Variants in EYS observed in about 807,000 individuals in gnomAD.
The protein encoded by EYS is protein eyes shut homolog.
In EYS, 250 loss-of-function variants were observed where a neutral mutation model predicts 282.1. That is an observed-to-expected ratio of 0.89 (90% CI 0.80 to 0.98). EYS has a LOEUF of 0.98. EYS is among the 50% of genes least tolerant of loss of function. The pLI, the probability that EYS is intolerant of heterozygous loss-of-function variation, is 0.00. For missense variants in EYS, 4,016 were observed against 3,709.0 expected (o/e 1.08, Z -2.15); for synonymous variants, 1,355 against 1,282.9 (o/e 1.06, Z -1.20).
chr6:64,309,528 G>A (rs916822808), intron 29 of EYS, among the ~76,000 whole-genome samples: 2 of 151,764 alleles, frequency 1.3e-5, no homozygotes, highest in African/African-American at 2.4e-5. Context: ...AGTACTGTTC[G>A]GAATAGTTAT....
intron 19 of EYS, among the ~76,000 whole-genome samples, chr6:64,828,353 C>G (rs1583200189): frequency 6.6e-6 from 1 of 151,802 alleles, no homozygotes; most frequent in African/African-American, 2.4e-5. Context: ...AAAGAGATAA[C>G]GGACATGGAT....
intron 12 of EYS, 111 bp downstream of exon 12, chr6:65,295,749 GACA>G (rs1768643292): frequency 1.4e-5 from 13 of 945,288 alleles, no homozygotes; most frequent in South Asian, 5.1e-5. Flanking sequence ...TAAGAAATGA[GACA>G]ACAATACCAA....
At chr6:65,382,357 T>C (rs1175216742) in intron 8 of EYS, among the ~76,000 whole-genome samples, 1 of 151,702 alleles carries the variant, frequency 6.6e-6, no homozygotes, top group African/African-American at 2.4e-5. Flanking sequence ...TCCATGTGTG[T>C]TGTGATAAGA....
chr6:64,607,971 C>T (rs943212847), intron 24 of EYS, among the ~76,000 whole-genome samples: 2 of 152,138 alleles, frequency 1.3e-5, no homozygotes, highest in African/African-American at 4.8e-5. Context: ...GTATCCAAGA[C>T]ATTTAGCCTG....
intron 36 of EYS, among the ~76,000 whole-genome samples, chr6:63,833,016 G>A (rs1250655765): frequency 6.6e-6 from 1 of 152,052 alleles, no homozygotes; most frequent in African/African-American, 2.4e-5. Context: ...AAATTCAGCA[G>A]GCCTTCATGC....
chr6:64,586,451 G>A (rs1170827058), intron 26 of EYS, among the ~76,000 whole-genome samples: 3 of 152,028 alleles, frequency 2.0e-5, no homozygotes, highest in Non-Finnish European at 2.9e-5. Flanking sequence ...AACTGTTAAT[G>A]AGTTTAATGA....
intron 22 of EYS, among the ~76,000 whole-genome samples, chr6:64,661,389 T>A (rs549140070): frequency 6.6e-6 from 1 of 151,968 alleles, no homozygotes; most frequent in Non-Finnish European, 1.5e-5. Flanking sequence ...TGACAAATGG[T>A]ATCTAATTAA....
intron 19 of EYS, among the ~76,000 whole-genome samples, chr6:64,841,212 G>C (rs530319813): frequency 6.6e-6 from 1 of 152,190 alleles, no homozygotes; most frequent in East Asian, 1.9e-4. Context: ...TAAACACTAT[G>C]AAAGGCAGAA....
chr6:65,103,954 T>C (rs1256213991), intron 12 of EYS, among the ~76,000 whole-genome samples: 1 of 151,418 alleles, frequency 6.6e-6, no homozygotes, highest in Non-Finnish European at 1.5e-5. Flanking sequence ...TACTGGTCAT[T>C]AAAAATGTTT....
At chr6:64,571,320 A>C (rs1479001780) in intron 26 of EYS, among the ~76,000 whole-genome samples, 1 of 152,218 alleles carries the variant, frequency 6.6e-6, no homozygotes, top group East Asian at 1.9e-4. Flanking sequence ...CCACAGGAGA[A>C]AGCAGAAAAG....
intron 26 of EYS, among the ~76,000 whole-genome samples, chr6:64,532,936 T>A (rs1337241817): frequency 6.6e-6 from 1 of 152,066 alleles, no homozygotes; most frequent in Non-Finnish European, 1.5e-5. Context: ...GATTCTTAAA[T>A]AACTGTGAGT....
chr6:63,746,556 C>T lies in EYS; in HGVS notation c.8071+15905G>A, dbSNP rs553078724. ...TTTGGCTGTGAATTCATCTGGTCCT[C>T]GGCTGTTTTTGGTTGGTAGTCTATT... On this transcript the variant is annotated intron_variant, in intron 41 of 42. Transcript: ENST00000503581. Among the ~76,000 whole-genome samples, 34 of 152,094 alleles carry T rather than the reference C, an allele frequency of 2.2e-4. No individual in the cohort carries two copies. In the South Asian group the frequency reaches 2.9e-3, roughly 13 times the overall value.
chr6:65,079,713 A>G (rs907355395), intron 12 of EYS, among the ~76,000 whole-genome samples: 1 of 152,014 alleles, frequency 6.6e-6, no homozygotes, highest in African/African-American at 2.4e-5. Flanking sequence ...ATCTGCATTG[A>G]CTTTACATGT....
At chr6:64,690,720 C>G (rs1040464011) in intron 22 of EYS, among the ~76,000 whole-genome samples, 1 of 151,932 alleles carries the variant, frequency 6.6e-6, no homozygotes, top group Non-Finnish European at 1.5e-5. Flanking sequence ...TGAGCATACT[C>G]GCGCAAGGAC....
chr6:63,905,049 C>T (rs1431643491), intron 35 of EYS, among the ~76,000 whole-genome samples: 1 of 152,232 alleles, frequency 6.6e-6, no homozygotes, highest in African/African-American at 2.4e-5. Context: ...TAAGCAGTCA[C>T]TCGTCATTTC....
At chr6:64,447,882 T>A (rs569560315) in intron 26 of EYS, among the ~76,000 whole-genome samples, 2 of 152,338 alleles carry the variant, frequency 1.3e-5, no homozygotes, top group African/African-American at 2.4e-5. Flanking sequence ...CTCTTCACCA[T>A]GAAATGGAGA....
intron 26 of EYS, among the ~76,000 whole-genome samples, chr6:64,474,256 A>G (rs1197738697): frequency 6.6e-6 from 1 of 152,160 alleles, no homozygotes; most frequent in Non-Finnish European, 1.5e-5. Context: ...ATAAATTTAT[A>G]ACTTGTTCAA....
intron 31 of EYS, among the ~76,000 whole-genome samples, chr6:64,151,050 G>C (rs1301170079): frequency 6.6e-6 from 1 of 151,462 alleles, no homozygotes; most frequent in Non-Finnish European, 1.5e-5. Context: ...GTTCTTATAT[G>C]ACATATGTAT....
At chr6:65,259,554 A>T (rs770410966) in intron 12 of EYS, among the ~76,000 whole-genome samples, 10 of 152,264 alleles carry the variant, frequency 6.6e-5, no homozygotes, top group East Asian at 1.9e-4. Context: ...TAAGAATTAC[A>T]ACATTAAATA....
Sources: gnomAD v4.1 joint callset for allele counts (sites outside exome capture counted in the v4.1 genomes callset) on GRCh38, gnomAD v4.1.1 for gene constraint, MANE v1.5 for transcripts, NCBI Gene and HGNC (gene_info 2026-07-23, HGNC 2026-07-21) for gene names.